The following MYO1B variants were observed in gnomAD, a reference collection of about 807,000 sequenced individuals.
MYO1B encodes the protein unconventional myosin-Ib.
In MYO1B, 72 loss-of-function variants were observed where a neutral mutation model predicts 159.7. The observed-to-expected ratio is 0.45, with a 90% CI of 0.37 to 0.55. MYO1B has a LOEUF of 0.55. MYO1B is among the 20% of genes least tolerant of loss of function. The pLI is 0.00. For missense variants in MYO1B, 1,062 were observed against 1,364.8 expected, an observed-to-expected ratio of 0.78 and a Z score of 3.50; for synonymous variants, 468 against 473.8, an observed-to-expected ratio of 0.99 and a Z score of 0.16.
intron 1 of MYO1B, among the ~76,000 whole-genome samples, chr2:191,253,012 A>T (rs1686214942): frequency 6.6e-6 from 1 of 152,112 alleles, no homozygotes; most frequent in Admixed American, 6.5e-5. Flanking sequence ...GAGTTACTGG[A>T]GTATAGTGTT....
rs748067656 is a variant in MYO1B, at chr2:191,414,602, T to A, written c.3092T>A (p.Leu1031Ter). The A allele has an allele frequency of 6.2e-7, 1 of 1,613,780 alleles. No individual in the cohort carries two copies. Among genetic ancestry groups the A allele is most frequent in the Non-Finnish European group, 8.5e-7 (1 of 1,179,820 alleles). Residue 1031 changes from leucine (L) to a stop codon, truncating the protein, a stop_gained, in exon 29 of 31, where the codon TTG (leucine) becomes TAG (stop). Coordinates refer to ENST00000392318, the MANE Select transcript of MYO1B (RefSeq NM_001130158.3). LOFTEE classifies it high-confidence loss of function. The stretch of plus-strand genomic sequence containing the variant: ...GGACAAATCAAGTCAGAGGTTCCAT[T>A]GGTGGATGTGACCAAGGTATCAATG... ...KSGQIKSEVP[L>*]VDVTKVSMSS...
intron 2 of MYO1B, among the ~76,000 whole-genome samples, chr2:191,282,324 A>C (rs1688108919): frequency 6.6e-6 from 1 of 152,204 alleles, no homozygotes; most frequent in African/African-American, 2.4e-5. Flanking sequence ...AGCTGTAGTC[A>C]AGGTTTCAGC....
chr2:191,280,763 G>C (rs1257342126), intron 2 of MYO1B, among the ~76,000 whole-genome samples: 1 of 152,218 alleles, frequency 6.6e-6, no homozygotes, highest in Non-Finnish European at 1.5e-5. Flanking sequence ...GAGAAAAGGG[G>C]CAGTGGATGC....
At chr2:191,282,716 C>T (rs771464516) in intron 2 of MYO1B, among the ~76,000 whole-genome samples, 12 of 152,254 alleles carry the variant, frequency 7.9e-5, no homozygotes, top group African/African-American at 9.6e-5. Context: ...TTTATCTAGA[C>T]GGGCAGACCT....
chr2:191,312,011 A>T (rs1446520676), intron 3 of MYO1B, among the ~76,000 whole-genome samples: 2 of 152,238 alleles, frequency 1.3e-5, no homozygotes, highest in African/African-American at 4.8e-5. Context: ...TGTTAATGTC[A>T]TACTTTGTCT....
intron 7 of MYO1B, among the ~76,000 whole-genome samples, chr2:191,358,230 G>A (rs1056927697): frequency 6.6e-6 from 1 of 152,032 alleles, no homozygotes; most frequent in Admixed American, 6.6e-5. Flanking sequence ...TGTAAAATAG[G>A]GATTATAAAA....
intron 1 of MYO1B, among the ~76,000 whole-genome samples, chr2:191,251,240 T>A (rs1686093633): frequency 6.6e-6 from 1 of 152,198 alleles, no homozygotes; most frequent in African/African-American, 2.4e-5. Flanking sequence ...GTTTGTCTGA[T>A]CTCTGGTCTC....
chr2:191,343,362 A>C (rs776842513), intron 5 of MYO1B, among the ~76,000 whole-genome samples: 5 of 152,292 alleles, frequency 3.3e-5, no homozygotes, highest in Middle Eastern at 3.4e-3. Flanking sequence ...CTGCCCTTTC[A>C]GAGAGGCTCC....
intron 1 of MYO1B, among the ~76,000 whole-genome samples, chr2:191,249,757 G>A (rs1686002471): frequency 6.6e-6 from 1 of 152,186 alleles, no homozygotes; most frequent in Admixed American, 6.5e-5. Flanking sequence ...TTTATTTCAA[G>A]CTAGGACACC....
chr2:191,414,532 T>G lies in MYO1B; in HGVS notation c.3022T>G (p.Phe1008Val), dbSNP rs765638703. The change falls in exon 29 of 31, where the codon TTC becomes GTC. Residue 1008 changes from phenylalanine to valine, a missense_variant. Physicochemically the swap from Phe to Val is conservative, Grantham distance 50. This residue lies in a region of MYO1B where 609 missense variants were observed against 744.4 expected (regional missense o/e 0.82). Transcript: ENST00000392318. ...TTTGATTTAGAGTACATCTCGGATT[T>G]TCCTCTTAACAAACAATAATCTCCT... Reference protein sequence around the residue: ...RANGKSTSRIFLLTNNNLLLA... With the variant: ...RANGKSTSRIVLLTNNNLLLA... 1.2e-6 allele frequency: 2 copies of G among 1,608,434 alleles called. No homozygotes were observed. The highest frequency in any genetic ancestry group is 1.1e-5 in the South Asian group (1 of 89,020).
intron 4 of MYO1B, among the ~76,000 whole-genome samples, chr2:191,335,020 A>G (rs187763727): frequency 1.5e-3 from 233 of 152,302 alleles, no homozygotes; most frequent in South Asian, 4.4e-3. Flanking sequence ...ACTTCGAGTA[A>G]CACTGCCTAG....
intron 5 of MYO1B, among the ~76,000 whole-genome samples, chr2:191,342,645 G>A (rs1322520443): frequency 2.0e-5 from 3 of 152,252 alleles, no homozygotes; most frequent in East Asian, 1.9e-4. Context: ...CCAGGAGTTC[G>A]AGACCAGCCT....
chr2:191,388,662 C>T (rs1301316523), intron 17 of MYO1B, among the ~76,000 whole-genome samples: 6 of 151,980 alleles, frequency 3.9e-5, no homozygotes, highest in Non-Finnish European at 8.8e-5. Flanking sequence ...ACCCAAGAAA[C>T]TTTCTGTGAT....
At chr2:191,246,078 T>TCAGGTGCGGTGTGCCC (rs1685771454) in intron 1 of MYO1B, 1 of 152,208 alleles carries the variant, frequency 6.6e-6, no homozygotes, top group South Asian at 2.1e-4. Flanking sequence ...GGAGTGGGGT[T>TCAGGTGCGGTGTGCCC]CAGGTGCGGT....
rs1004163912 is a variant in MYO1B, at chr2:191,251,911, T to G, written c.-10+6285T>G. 5.9e-5 allele frequency among the ~76,000 whole-genome samples: 9 copies of G among 152,186 alleles called. No homozygotes were observed. In the East Asian group the frequency reaches 1.7e-3, roughly 29 times the overall value. ...GCTGGTCCCACTTAACATTTTCCAGTGTACACCTTCTCTCTCCATCATTGC... is the reference window on the plus strand; with the variant it reads ...GCTGGTCCCACTTAACATTTTCCAGGGTACACCTTCTCTCTCCATCATTGC... On this transcript the variant is annotated intron_variant, in intron 1 of 30. Transcript: ENST00000392318.
At chr2:191,254,199 C>A (rs1686294573) in intron 1 of MYO1B, among the ~76,000 whole-genome samples, 1 of 152,056 alleles carries the variant, frequency 6.6e-6, no homozygotes, top group Non-Finnish European at 1.5e-5. Context: ...TGTCATAATT[C>A]ACTTTATTTT....
intron 3 of MYO1B, among the ~76,000 whole-genome samples, chr2:191,314,310 T>C (rs1462704644): frequency 6.6e-6 from 1 of 152,242 alleles, no homozygotes; most frequent in Non-Finnish European, 1.5e-5. Context: ...TTTTGGTTTA[T>C]TATCAATAAA....
At chr2:191,322,453 A>C (rs979041088) in intron 3 of MYO1B, among the ~76,000 whole-genome samples, 1 of 152,112 alleles carries the variant, frequency 6.6e-6, no homozygotes, top group African/African-American at 2.4e-5. Context: ...CCCAGTTCAC[A>C]TTCTTACCAG....
chr2:191,286,925 T>G (rs555143817), intron 2 of MYO1B, among the ~76,000 whole-genome samples: 2 of 152,148 alleles, frequency 1.3e-5, no homozygotes, highest in African/African-American at 4.8e-5. Context: ...AGCTAGACCC[T>G]GTCTCAAAAC....
Sources: gnomAD v4.1 joint callset for allele counts (sites outside exome capture counted in the v4.1 genomes callset) on GRCh38, gnomAD v4.1.1 for gene constraint, gnomAD v4.1.1 regional missense constraint, MANE v1.5 for transcripts, NCBI Gene and HGNC (gene_info 2026-07-23, HGNC 2026-07-21) for gene names.